Variants in RBMS3 observed in about 807,000 individuals in gnomAD.
RBMS3 encodes RNA binding motif single stranded interacting protein 3, also known as RNA-binding motif, single-stranded-interacting protein 3.
RBMS3 carries 27 observed loss-of-function variants against 66.8 expected under a neutral mutation model. The observed-to-expected ratio is 0.40, with a 90% CI of 0.30 to 0.56. RBMS3 has a LOEUF of 0.56. Ranked by LOEUF, RBMS3 falls within the 20% of genes least tolerant of loss-of-function variation. The probability of loss-of-function intolerance (pLI) is 0.40; values close to 1 mark genes in which losing one functional copy is unlikely to be tolerated. For synonymous variants in RBMS3, 188 were observed against 183.0 expected (o/e 1.03, Z -0.22); for missense variants, 513 against 549.5 (o/e 0.93, Z 0.66).
chr3:29,518,476 A>G (rs2044727580), intron 3 of RBMS3, among the ~76,000 whole-genome samples: 2 of 152,218 alleles, frequency 1.3e-5, no homozygotes, highest in South Asian at 4.1e-4. Context: ...TTGTTAATAA[A>G]TGTGCATGGC....
At chr3:29,760,183 G>A (rs770322606) in intron 5 of RBMS3, among the ~76,000 whole-genome samples, 1 of 151,856 alleles carries the variant, frequency 6.6e-6, no homozygotes, top group African/African-American at 2.4e-5. Context: ...TAAGTGGGTG[G>A]AGTGGGTTAG....
At chr3:29,994,401 G>A (rs947984093) in intron 14 of RBMS3, among the ~76,000 whole-genome samples, 8 of 152,234 alleles carry the variant, frequency 5.3e-5, no homozygotes, top group South Asian at 2.1e-4. Flanking sequence ...AAAGCATCCC[G>A]GAAGCTCCAA....
chr3:29,420,897 G>A (rs1279629803), intron 1 of RBMS3, among the ~76,000 whole-genome samples: 1 of 149,034 alleles, frequency 6.7e-6, no homozygotes, highest in East Asian at 2.0e-4. Context: ...GAGGTCAGGA[G>A]ATTGAGACCA....
intron 1 of RBMS3, among the ~76,000 whole-genome samples, chr3:29,369,924 C>T (rs183819293): frequency 1.2e-4 from 18 of 152,152 alleles, no homozygotes; most frequent in Non-Finnish European, 1.9e-4. Context: ...TCCAAACCTC[C>T]GAGACTTTGG....
chr3:29,505,170 T>C (rs184798101), intron 3 of RBMS3, among the ~76,000 whole-genome samples: 1 of 152,198 alleles, frequency 6.6e-6, no homozygotes, highest in East Asian at 1.9e-4. Context: ...TGTTTTCTTC[T>C]AGTAGTTTTA....
chr3:29,717,022 T>C (rs116793916), intron 4 of RBMS3, among the ~76,000 whole-genome samples: 2,644 of 152,174 alleles, frequency 0.017, 80 homozygotes, highest in African/African-American at 0.059. Context: ...AGCTACATTA[T>C]TGGCGGAAGT....
intron 6 of RBMS3, among the ~76,000 whole-genome samples, chr3:29,819,260 A>G (rs2058008268): frequency 6.6e-6 from 1 of 152,284 alleles, no homozygotes; most frequent in East Asian, 1.9e-4. Flanking sequence ...TTAAAGGGCC[A>G]ACTAGTAAAT....
At chr3:29,680,585 T>C (rs74613603) in intron 4 of RBMS3, among the ~76,000 whole-genome samples, 3,004 of 152,312 alleles carry the variant, frequency 0.02, 102 homozygotes, top group African/African-American at 0.067. Flanking sequence ...CATGAAGAGA[T>C]AGGCATATAT....
At chr3:29,801,729 T>C (rs1576847100) in intron 6 of RBMS3, among the ~76,000 whole-genome samples, 1 of 152,124 alleles carries the variant, frequency 6.6e-6, no homozygotes, top group African/African-American at 2.4e-5. Context: ...CACAGTAAAA[T>C]ATGGTCGCCT....
intron 1 of RBMS3, among the ~76,000 whole-genome samples, chr3:29,389,308 A>C (rs529528615): frequency 6.6e-6 from 1 of 152,262 alleles, no homozygotes; most frequent in South Asian, 2.1e-4. Context: ...ACCTCTGATA[A>C]GGTAAGTTTA....
intron 2 of RBMS3, among the ~76,000 whole-genome samples, chr3:29,451,528 C>T (rs5028491): frequency 0.22 from 34,174 of 151,934 alleles, 5,075 homozygotes; most frequent in East Asian, 0.43. Flanking sequence ...TTCAATATTA[C>T]CTACAATATC....
intron 1 of RBMS3, among the ~76,000 whole-genome samples, chr3:29,303,904 G>A (rs200125041): frequency 1.1e-4 from 17 of 152,052 alleles, no homozygotes; most frequent in South Asian, 8.3e-4. Context: ...CTTACATGGC[G>A]GTGGCAAGAG....
chr3:29,601,135 T>C (rs2048128314), intron 4 of RBMS3, among the ~76,000 whole-genome samples: 1 of 151,600 alleles, frequency 6.6e-6, no homozygotes. Flanking sequence ...TAACATACAA[T>C]ATATATTTAT....
At chr3:29,888,433 C>A (rs1461113607) in intron 8 of RBMS3, among the ~76,000 whole-genome samples, 1 of 151,446 alleles carries the variant, frequency 6.6e-6, no homozygotes, top group Non-Finnish European at 1.5e-5. Context: ...TAGCACCAGT[C>A]CCTCTCTTCA....
At chr3:29,763,286 TTAA>T (rs564626017) in intron 6 of RBMS3, among the ~76,000 whole-genome samples, 32 of 152,198 alleles carry the variant, frequency 2.1e-4, no homozygotes, top group Non-Finnish European at 4.4e-4. Context: ...TGACTCAGCA[TTAA>T]TATTAAAATT....
At chr3:29,592,551 C>G (rs1023476796) in intron 4 of RBMS3, among the ~76,000 whole-genome samples, 2 of 152,170 alleles carry the variant, frequency 1.3e-5, no homozygotes, top group African/African-American at 4.8e-5. Context: ...CTCTTTTACA[C>G]TGTTGGTGAG....
intron 12 of RBMS3, among the ~76,000 whole-genome samples, chr3:29,953,371 C>A (rs1695809933): frequency 6.6e-6 from 1 of 151,898 alleles, no homozygotes; most frequent in Non-Finnish European, 1.5e-5. Context: ...CCACCACAGT[C>A]CTTGAGTGGC....
intron 4 of RBMS3, among the ~76,000 whole-genome samples, chr3:29,642,146 C>G (rs755056421): frequency 6.6e-6 from 1 of 151,974 alleles, no homozygotes; most frequent in South Asian, 2.1e-4. Context: ...GGTTATAACC[C>G]GTAGATCTGC....
intron 13 of RBMS3, among the ~76,000 whole-genome samples, chr3:29,990,014 T>C (rs563519842): frequency 3.9e-5 from 6 of 152,280 alleles, no homozygotes; most frequent in Admixed American, 6.5e-5. Flanking sequence ...ATTTAGGGAT[T>C]AAAAGAAATA....
Sources: allele counts gnomAD v4.1 joint callset (sites outside exome capture counted in the v4.1 genomes callset), GRCh38; gene constraint gnomAD v4.1.1; transcripts MANE v1.5; gene names NCBI Gene and HGNC (gene_info 2026-07-23, HGNC 2026-07-21).